Variants in PMM2 observed in about 807,000 individuals in gnomAD.
PMM2 encodes the protein mannose-6-phosphate isomerase.
PMM2 carries 35 observed loss-of-function variants against 33.2 expected under a neutral mutation model. The ratio of observed to expected loss-of-function variants is 1.06; its 90% CI spans 0.81 to 1.40. The LOEUF (loss-of-function observed/expected upper bound fraction) is 1.40. Ranked by LOEUF, PMM2 falls within the 40% of genes most tolerant of loss-of-function variation. The pLI, the probability that PMM2 is intolerant of heterozygous loss-of-function variation, is 0.00. For missense variants in PMM2, 386 were observed against 306.0 expected, an observed-to-expected ratio of 1.26 and a Z score of -1.95; for synonymous variants, 153 against 114.7, an observed-to-expected ratio of 1.33 and a Z score of -2.13.
At chr16:8,828,554 T>C (rs1243905943) in intron 7 of PMM2, among the ~76,000 whole-genome samples, 2 of 152,082 alleles carry the variant, frequency 1.3e-5, no homozygotes, top group Non-Finnish European at 1.5e-5. Context: ...GCTACCGACA[T>C]GAACCCAAAA....
chr16:8,801,565 G>A (rs1225160768), intron 1 of PMM2, among the ~76,000 whole-genome samples: 1 of 152,180 alleles, frequency 6.6e-6, no homozygotes, highest in African/African-American at 2.4e-5. Flanking sequence ...CAGCTACTCA[G>A]GAGGCAGAGA....
intron 7 of PMM2, among the ~76,000 whole-genome samples, chr16:8,844,198 T>G (rs1237312973): frequency 6.6e-6 from 1 of 152,146 alleles, no homozygotes; most frequent in South Asian, 2.1e-4. Flanking sequence ...TATTTAGGTT[T>G]TAGGTCAGGT....
chr16:8,847,720 C>G lies in PMM2; in HGVS notation c.640-4C>G, dbSNP rs1267835243. The G allele has an allele frequency of 6.2e-7, 1 of 1,609,560 alleles. No homozygotes were observed. The highest frequency in any genetic ancestry group is 8.5e-7 in the Non-Finnish European group (1 of 1,176,058). ...GCCTTCATCTGTACTTCGTGTCTTT[C>G]CAGGGTGGCAATGACCATGAGATCT... On this transcript the variant is annotated splice_region_variant and splice_polypyrimidine_tract_variant and intron_variant, in intron 7 of 7. Transcript: ENST00000268261.
rs1348543690 is a variant in PMM2, at chr16:8,848,006, A to C, written c.*181A>C. The stretch of plus-strand genomic sequence containing the variant: ...GTGCCAGAAACTTCCAGAAGGAAGG[A>C]GAAAACTCTTGTCAAGAATGGCCCA... On this transcript the variant is annotated 3_prime_UTR_variant, in exon 8 of 8. Transcript: ENST00000268261. 5 of 609,110 alleles carry C rather than the reference A, an allele frequency of 8.2e-6. No homozygotes were observed. Among genetic ancestry groups the C allele is most frequent in the African/African-American group, 1.8e-5 (1 of 54,540 alleles). The allele number at this position is 609,110 out of a possible 1,614,324, so 37.7% of individuals were successfully genotyped here.
intron 7 of PMM2, chr16:8,832,965 C>CCCCGACCACACACAGGCT: frequency 1.0e-6 from 1 of 963,682 alleles, no homozygotes; most frequent in Non-Finnish European, 1.2e-6. Context: ...TGACTGGTCT[C>CCCCGACCACACACAGGCT]CCCAGGGCAG....
chr16:8,807,297 T>A (rs8054900), intron 4 of PMM2, among the ~76,000 whole-genome samples: 72 of 151,978 alleles, frequency 4.7e-4, no homozygotes, highest in African/African-American at 1.2e-3. Context: ...GTGAGCCACC[T>A]TGCCCAGCCT....
At chr16:8,807,879 T>C (rs2141020887) in intron 4 of PMM2, 1 of 152,300 alleles carries the variant, frequency 6.6e-6, no homozygotes, top group African/African-American at 2.4e-5. Flanking sequence ...GTAATAATAA[T>C]AATGATGAAC....
At chr16:8,836,066 T>C (rs4454973) in intron 7 of PMM2, among the ~76,000 whole-genome samples, 25,944 of 150,376 alleles carry the variant, frequency 0.17, 2,501 homozygotes, top group East Asian at 0.26. Context: ...GGCACCAGAG[T>C]TGGGGAGTTT....
intron 3 of PMM2, 130 bp downstream of exon 3, chr16:8,804,973 GC>G: frequency 3.0e-6 from 2 of 676,944 alleles, no homozygotes. Context: ...TTTTTGTTTT[GC>G]ATTTTGAACC....
chr16:8,827,718 GCATATATATATATATATA>G (rs1461745634), intron 7 of PMM2, among the ~76,000 whole-genome samples: 9 of 42,832 alleles, frequency 2.1e-4, no homozygotes, highest in African/African-American at 9.9e-4. Context: ...TTAAATGTGT[GCATATATATATATATATA>G]TATATATATA....
chr16:8,813,594 C>A (rs2060690029), intron 7 of PMM2, among the ~76,000 whole-genome samples: 1 of 152,146 alleles, frequency 6.6e-6, no homozygotes, highest in South Asian at 2.1e-4. Flanking sequence ...GAGTCCCAGG[C>A]ATCACACACG....
At chr16:8,838,846 A>T (rs2060870522) in intron 7 of PMM2, among the ~76,000 whole-genome samples, 1 of 151,960 alleles carries the variant, frequency 6.6e-6, no homozygotes, top group Non-Finnish European at 1.5e-5. Context: ...TTATGTTGTC[A>T]TACATCAGGC....
chr16:8,802,299 C>T (rs1367836587), intron 2 of PMM2: 3 of 456,002 alleles, frequency 6.6e-6, no homozygotes, highest in South Asian at 4.6e-5. Context: ...GAATCTCCAG[C>T]ACAGGACCCC....
At chr16:8,845,753 T>C (rs566232199) in intron 7 of PMM2, among the ~76,000 whole-genome samples, 1 of 151,810 alleles carries the variant, frequency 6.6e-6, no homozygotes, top group African/African-American at 2.4e-5. Flanking sequence ...CTTTGTTAGG[T>C]TCTCTGTGAC....
chr16:8,800,796 G>T (rs1187176655), intron 1 of PMM2, among the ~76,000 whole-genome samples: 1 of 151,906 alleles, frequency 6.6e-6, no homozygotes, highest in Non-Finnish European at 1.5e-5. Context: ...TGATTCTCCT[G>T]CCTCAGCCTC....
At chr16:8,798,039 G>T in intron 1 of PMM2, 91 bp downstream of exon 1, 2 of 1,278,072 alleles carry the variant, frequency 1.6e-6, no homozygotes. Flanking sequence ...AGGCGCCAAG[G>T]GGTGGCTAAG....
intron 7 of PMM2, chr16:8,832,800 C>G (rs75712997): frequency 1.2e-5 from 12 of 985,192 alleles, no homozygotes; most frequent in Non-Finnish European, 1.3e-5. Context: ...GTGGCCCGGC[C>G]CCAGCCCCTG....
In PMM2 at chr16:8,813,031, C is replaced by T. The variant is rs2060686207; in HGVS notation, c.564C>T (p.Asp188=). The change falls in exon 7 of 8, where the codon GAC becomes GAT. Residue 188 remains aspartate, a synonymous_variant. Transcript: ENST00000268261. ...ISFDVFPDGW[D]KRYCLRHVEN... is the part of the protein sequence containing the mutation. Reference sequence around the variant, plus strand: ...TTGATGTCTTTCCTGATGGATGGGACAAGAGATACTGTCTGCGACATGTGG... The same window carrying T: ...TTGATGTCTTTCCTGATGGATGGGATAAGAGATACTGTCTGCGACATGTGG... 8 of 1,613,458 alleles carry T rather than the reference C, an allele frequency of 5.0e-6. No individual in the cohort carries two copies. Among genetic ancestry groups the T allele is most frequent in the South Asian group, 2.2e-5 (2 of 91,086 alleles).
chr16:8,804,034 T>TTTTGTTG (rs1555449098), intron 2 of PMM2, among the ~76,000 whole-genome samples: 2 of 115,568 alleles, frequency 1.7e-5, no homozygotes, highest in East Asian at 2.7e-4. Context: ...TTTTTTTGTT[T>TTTTGTTG]TTTTTTTTTT....
Sources: gnomAD v4.1 joint callset for allele counts (sites outside exome capture counted in the v4.1 genomes callset) on GRCh38, gnomAD v4.1.1 for gene constraint, MANE v1.5 for transcripts, NCBI Gene and HGNC (gene_info 2026-07-23, HGNC 2026-07-21) for gene names.